Variants in CNTNAP5 observed in about 807,000 individuals in gnomAD.
CNTNAP5 encodes the protein contactin-associated protein-like 5.
Under a neutral mutation model 150.2 loss-of-function variants are expected in CNTNAP5, and 72 were observed. The observed-to-expected ratio is 0.48, with a 90% CI of 0.40 to 0.58. The LOEUF (loss-of-function observed/expected upper bound fraction) is 0.58, where lower values mean the gene tolerates loss of function less well. Among genes scored for constraint, CNTNAP5 ranks in the 20% least tolerant of loss-of-function variants. The pLI is 0.00. For missense variants in CNTNAP5, 1,636 were observed against 1,626.2 expected (o/e 1.01, Z -0.10); for synonymous variants, 672 against 619.8 (o/e 1.08, Z -1.25).
At chr2:124,084,132 G>T (rs571516281) in intron 1 of CNTNAP5, among the ~76,000 whole-genome samples, 1 of 152,200 alleles carries the variant, frequency 6.6e-6, no homozygotes, top group African/African-American at 2.4e-5. Flanking sequence ...CTTTCTGAGT[G>T]ATTGCAAATG....
chr2:124,181,820 G>A (rs1685217202), intron 1 of CNTNAP5, among the ~76,000 whole-genome samples: 1 of 151,958 alleles, frequency 6.6e-6, no homozygotes, highest in Non-Finnish European at 1.5e-5. Flanking sequence ...TTTATAAGAT[G>A]GTATCATTTG....
intron 19 of CNTNAP5, among the ~76,000 whole-genome samples, chr2:124,841,566 C>A (rs575398170): frequency 6.6e-6 from 1 of 152,118 alleles, no homozygotes; most frequent in Admixed American, 6.6e-5. Context: ...TCTGATTTCC[C>A]AACTCTCCTG....
chr2:124,834,386 TA>T (rs1485357320), intron 19 of CNTNAP5, among the ~76,000 whole-genome samples: 1 of 36,450 alleles, frequency 2.7e-5, no homozygotes, highest in African/African-American at 4.0e-4. Flanking sequence ...TTACCAGCTG[TA>T]CTCTCTGAAA....
chr2:124,141,978 G>T lies in CNTNAP5; in HGVS notation c.83-79727G>T, dbSNP rs1160930952. On this transcript the variant is annotated intron_variant, in intron 1 of 23. Transcript: ENST00000682447. Reference sequence around the variant, plus strand: ...AGCAAATGGAAAACAAAAAAAGGCAGGGGTTGCAATCCTAGTCTCTGATAA... The same window carrying T: ...AGCAAATGGAAAACAAAAAAAGGCATGGGTTGCAATCCTAGTCTCTGATAA... Among the ~76,000 whole-genome samples the T allele has an allele frequency of 4.8e-3, 657 of 136,466 alleles. 4 individuals are homozygous for T. Among genetic ancestry groups the T allele is most frequent in the Admixed American group, 7.5e-3 (100 of 13,258 alleles). 89.5% of individuals were successfully genotyped at this position (136,466 alleles called of 152,430 possible). A position where few individuals can be genotyped will look rare whatever the true frequency, so the allele number is the denominator to read the frequency against.
At chr2:124,567,042 A>G (rs1696040083) in intron 11 of CNTNAP5, among the ~76,000 whole-genome samples, 1 of 152,232 alleles carries the variant, frequency 6.6e-6, no homozygotes, top group South Asian at 2.1e-4. Context: ...AATTATTTAT[A>G]ATAATTTCTT....
chr2:124,868,854 A>T (rs1477659706), intron 20 of CNTNAP5, among the ~76,000 whole-genome samples: 2 of 152,148 alleles, frequency 1.3e-5, no homozygotes, highest in Non-Finnish European at 2.9e-5. Context: ...TAAAATAATG[A>T]GGACTCTTTC....
At chr2:124,027,956 T>C (rs1481423407) in intron 1 of CNTNAP5, among the ~76,000 whole-genome samples, 1 of 152,190 alleles carries the variant, frequency 6.6e-6, no homozygotes, top group Non-Finnish European at 1.5e-5. Context: ...TTCCTTTAGA[T>C]TTCTACTGAC....
intron 3 of CNTNAP5, among the ~76,000 whole-genome samples, chr2:124,283,226 T>C (rs1688059676): frequency 6.6e-6 from 1 of 152,210 alleles, no homozygotes; most frequent in South Asian, 2.1e-4. Flanking sequence ...CTAGTTTTGC[T>C]GGAGAGCATT....
At chr2:124,208,435 T>G (rs1354482761) in intron 1 of CNTNAP5, among the ~76,000 whole-genome samples, 1 of 152,360 alleles carries the variant, frequency 6.6e-6, no homozygotes, top group Non-Finnish European at 1.5e-5. Flanking sequence ...TCAGGTCTTC[T>G]TTCCAATGCC....
At chr2:124,529,724 G>T (rs983869319) in intron 10 of CNTNAP5, among the ~76,000 whole-genome samples, 1 of 152,142 alleles carries the variant, frequency 6.6e-6, no homozygotes, top group Non-Finnish European at 1.5e-5. Flanking sequence ...GAAAGGAAGG[G>T]AATAGGCTGG....
At chr2:124,061,953 C>T (rs17010807) in intron 1 of CNTNAP5, among the ~76,000 whole-genome samples, 6,878 of 152,182 alleles carry the variant, frequency 0.045, 216 homozygotes, top group South Asian at 0.098. Flanking sequence ...GATTTTACCT[C>T]CGCAATGCCA....
chr2:124,745,042 G>A (rs6760383), intron 13 of CNTNAP5, among the ~76,000 whole-genome samples: 39,059 of 152,072 alleles, frequency 0.26, 5,674 homozygotes, highest in Non-Finnish European at 0.34. Context: ...CATTAGGAGG[G>A]AGGCACTAAG....
chr2:124,074,065 G>A (rs1387665483), intron 1 of CNTNAP5, among the ~76,000 whole-genome samples: 1 of 152,066 alleles, frequency 6.6e-6, no homozygotes, highest in Non-Finnish European at 1.5e-5. Flanking sequence ...AAGTCATTAT[G>A]TTAAGTGAAA....
At chr2:124,426,156 T>G (rs1471949542) in intron 4 of CNTNAP5, among the ~76,000 whole-genome samples, 2 of 152,026 alleles carry the variant, frequency 1.3e-5, no homozygotes, top group African/African-American at 4.8e-5. Flanking sequence ...GATTTTTTTT[T>G]GTACTATGAT....
chr2:124,070,176 A>T (rs1381382968), intron 1 of CNTNAP5, among the ~76,000 whole-genome samples: 1 of 152,006 alleles, frequency 6.6e-6, no homozygotes, highest in Admixed American at 6.6e-5. Flanking sequence ...AATCAAAAAC[A>T]TACAACAAAT....
intron 19 of CNTNAP5, among the ~76,000 whole-genome samples, chr2:124,864,874 G>A (rs778744099): frequency 3.8e-4 from 58 of 152,202 alleles, no homozygotes; most frequent in Non-Finnish European, 7.1e-4. Flanking sequence ...ATATATCAAC[G>A]GGTGATAACA....
chr2:124,658,124 A>G (rs535239963), intron 13 of CNTNAP5, among the ~76,000 whole-genome samples: 37 of 152,320 alleles, frequency 2.4e-4, no homozygotes, highest in African/African-American at 8.2e-4. Context: ...AGTAGTAAGT[A>G]TCACCAGTAG....
rs192285852 is a variant in CNTNAP5 at position 124,894,847 on chromosome 2, C to T, written c.3437-8035C>T. On this transcript the variant is annotated intron_variant, in intron 21 of 23. Coordinates refer to ENST00000682447, the MANE Select transcript of CNTNAP5 (RefSeq NM_001367498.1). ...GGATTATAAGAGTGAGCCACAGCAC[C>T]TAGCCTTCAAGTCCCAGTCTTAATG... Among the ~76,000 whole-genome samples the T allele has an allele frequency of 5.5e-4, 84 of 151,574 alleles. 4 individuals are homozygous for T. The highest frequency in any genetic ancestry group is 2.1e-3 in the African/African-American group (84 of 40,936).
chr2:124,142,425 T>G (rs1396831644), intron 1 of CNTNAP5, among the ~76,000 whole-genome samples: 1 of 151,670 alleles, frequency 6.6e-6, no homozygotes. Context: ...AGAACAGAAA[T>G]TATAACAAAC....
Sources: allele counts gnomAD v4.1 joint callset (sites outside exome capture counted in the v4.1 genomes callset), GRCh38; gene constraint gnomAD v4.1.1; transcripts MANE v1.5; gene names NCBI Gene and HGNC (gene_info 2026-07-23, HGNC 2026-07-21).